ZCCHC4: variants seen among roughly 807,000 people sequenced by gnomAD.
ZCCHC4 encodes zinc finger CCHC-type containing 4.
In ZCCHC4, 54 loss-of-function variants were observed where a neutral mutation model predicts 67.7. The observed-to-expected ratio is 0.80, with a 90% CI of 0.64 to 1.00. The LOEUF is 1.00. ZCCHC4 is among the 50% of genes least tolerant of loss of function. ZCCHC4 has a pLI of 0.00. For missense variants in ZCCHC4, 609 were observed against 617.0 expected, an observed-to-expected ratio of 0.99 and a Z score of 0.14; for synonymous variants, 198 against 213.5, an observed-to-expected ratio of 0.93 and a Z score of 0.63.
intron 5 of ZCCHC4, among the ~76,000 whole-genome samples, chr4:25,338,096 G>A (rs1393868991): frequency 6.6e-6 from 1 of 152,110 alleles, no homozygotes; most frequent in South Asian, 2.1e-4. Flanking sequence ...GATATTTTAG[G>A]TATATTTCTT....
chr4:25,319,847 A>G (rs1335554587), intron 3 of ZCCHC4, among the ~76,000 whole-genome samples: 1 of 152,166 alleles, frequency 6.6e-6, no homozygotes, highest in African/African-American at 2.4e-5. Flanking sequence ...TTATTAAACA[A>G]CTATTATATT....
chr4:25,338,765 A>G (rs1255210622), intron 5 of ZCCHC4, among the ~76,000 whole-genome samples: 1 of 152,210 alleles, frequency 6.6e-6, no homozygotes, highest in Non-Finnish European at 1.5e-5. Context: ...ATATTCTACT[A>G]TACGGATATA....
chr4:25,340,980 A>G (rs557731906), intron 5 of ZCCHC4, among the ~76,000 whole-genome samples: 1 of 152,224 alleles, frequency 6.6e-6, no homozygotes, highest in East Asian at 1.9e-4. Flanking sequence ...ACTTCCACTT[A>G]ATGAATATTA....
At chr4:25,336,219 A>G (rs1401664385) in intron 5 of ZCCHC4, among the ~76,000 whole-genome samples, 1 of 152,198 alleles carries the variant, frequency 6.6e-6, no homozygotes, top group Admixed American at 6.5e-5. Flanking sequence ...CACATTTTAT[A>G]TAAATAGAAT....
At chr4:25,352,657 C>T (rs1290632024) in intron 8 of ZCCHC4, 2 of 152,808 alleles carry the variant, frequency 1.3e-5, no homozygotes, top group African/African-American at 2.4e-5. Context: ...CTCAAGTGAT[C>T]TGCCTGCCTC....
rs1215440953 is a variant in ZCCHC4, at chr4:25,313,079, G to A, written c.127+143G>A. ...CTAGAAAATACTCCTTCCTCGGAAC[G>A]CGGTGTTTTTCAACTTACTTGAGAA... On this transcript the variant is annotated intron_variant, in intron 1 of 12. Coordinates refer to ENST00000302874, the MANE Select transcript of ZCCHC4 (RefSeq NM_024936.3). The A allele has an allele frequency of 7.1e-6, 9 of 1,269,074 alleles. No individual in the cohort carries two copies. In the African/African-American group the frequency reaches 1.2e-4, roughly 17 times the overall value. The allele number at this position is 1,269,074 out of a possible 1,614,324, so 78.6% of individuals were successfully genotyped here.
chr4:25,333,799 T>C (rs374639641), intron 4 of ZCCHC4, 109 bp from the exon 5 acceptor site: 1 of 848,756 alleles, frequency 1.2e-6, no homozygotes, highest in Non-Finnish European at 1.7e-6. Context: ...CAGTGTTTCA[T>C]TGAAATATCA....
intron 5 of ZCCHC4, among the ~76,000 whole-genome samples, chr4:25,344,949 T>G (rs1365365594): frequency 6.6e-6 from 1 of 151,962 alleles, no homozygotes; most frequent in Non-Finnish European, 1.5e-5. Context: ...ACCGTAGGCA[T>G]GCATCACCAC....
intron 5 of ZCCHC4, among the ~76,000 whole-genome samples, chr4:25,338,322 G>C (rs1560406870): frequency 6.6e-6 from 1 of 152,140 alleles, no homozygotes; most frequent in Non-Finnish European, 1.5e-5. Flanking sequence ...TTAAACTCCT[G>C]GGCTAATGCA....
chr4:25,321,610 T>A (rs916912365), intron 3 of ZCCHC4, among the ~76,000 whole-genome samples: 35 of 152,168 alleles, frequency 2.3e-4, no homozygotes, highest in South Asian at 8.3e-4. Flanking sequence ...TGACCTCAAG[T>A]GATCTACCCG....
At chr4:25,367,410 T>G (rs1391223358) in intron 12 of ZCCHC4, among the ~76,000 whole-genome samples, 1 of 152,230 alleles carries the variant, frequency 6.6e-6, no homozygotes, top group African/African-American at 2.4e-5. Context: ...TGTTTCTGTT[T>G]ACCGTATCCC....
chr4:25,346,090 C>T (rs1719998491), intron 6 of ZCCHC4, among the ~76,000 whole-genome samples: 1 of 152,186 alleles, frequency 6.6e-6, no homozygotes, highest in Non-Finnish European at 1.5e-5. Flanking sequence ...CCCCCGACCC[C>T]TACTCCCCAA....
intron 2 of ZCCHC4, among the ~76,000 whole-genome samples, 165 bp downstream of exon 2, chr4:25,314,329 C>T (rs1718130999): frequency 1.3e-5 from 2 of 152,090 alleles, no homozygotes; most frequent in Non-Finnish European, 2.9e-5. Flanking sequence ...TTCATGTTTA[C>T]TCTGATTACT....
intron 3 of ZCCHC4, among the ~76,000 whole-genome samples, chr4:25,332,813 G>A (rs1232960146): frequency 6.6e-6 from 1 of 152,232 alleles, no homozygotes; most frequent in African/African-American, 2.4e-5. Context: ...AAGTGAGCCA[G>A]ACTGTTTAAC....
intron 5 of ZCCHC4, among the ~76,000 whole-genome samples, chr4:25,344,628 T>A (rs1054997123): frequency 7.3e-5 from 11 of 151,356 alleles, no homozygotes; most frequent in African/African-American, 1.7e-4. Flanking sequence ...TAAAATAAAA[T>A]AAATAAAATA....
chr4:25,365,062 A>C lies in ZCCHC4; in HGVS notation c.1302A>C (p.Pro434=). Reference sequence around the variant, plus strand: ...GCATCTGCAATCACTGTGCTGTTCCAGATCATTCTTGTGAGGGCCCCAAAC... The same window carrying C: ...GCATCTGCAATCACTGTGCTGTTCCCGATCATTCTTGTGAGGGCCCCAAAC... ...HCSICNHCAV[P]DHSCEGPKHG... Residue 434 remains proline, a synonymous_variant, in exon 12 of 13, where the codon CCA becomes CCC. Transcript: ENST00000302874. 6.2e-7 allele frequency: 1 copy of C among 1,614,232 alleles called. No individual in the cohort carries two copies. Among genetic ancestry groups the C allele is most frequent in the Non-Finnish European group, 8.5e-7 (1 of 1,180,032 alleles).
intron 5 of ZCCHC4, among the ~76,000 whole-genome samples, chr4:25,338,804 G>A (rs939736910): frequency 7.9e-5 from 12 of 152,090 alleles, no homozygotes; most frequent in African/African-American, 2.9e-4. Context: ...TTCATCTGTT[G>A]ATGGACACTT....
intron 7 of ZCCHC4, among the ~76,000 whole-genome samples, chr4:25,350,722 G>A (rs1291406110): frequency 2.6e-4 from 40 of 152,088 alleles, no homozygotes; most frequent in Admixed American, 2.6e-3. Flanking sequence ...AATATAAAAC[G>A]TGACTCATAT....
intron 3 of ZCCHC4, among the ~76,000 whole-genome samples, chr4:25,316,442 A>G (rs538580553): frequency 6.6e-6 from 1 of 152,360 alleles, no homozygotes; most frequent in African/African-American, 2.4e-5. Context: ...CTAGGAGTGT[A>G]TATGCATTCC....
Sources: gnomAD v4.1 joint callset for allele counts (sites outside exome capture counted in the v4.1 genomes callset) on GRCh38, gnomAD v4.1.1 for gene constraint, MANE v1.5 for transcripts, NCBI Gene and HGNC (gene_info 2026-07-23, HGNC 2026-07-21) for gene names.